The following RSPO4 variants were observed in gnomAD, a reference collection of about 807,000 sequenced individuals.
The protein encoded by RSPO4 is R-spondin-4.
In RSPO4, 23 loss-of-function variants were observed where a neutral mutation model predicts 24.8. That is an observed-to-expected ratio of 0.93 (90% confidence interval 0.67 to 1.31). The LOEUF (loss-of-function observed/expected upper bound fraction) is 1.31, where lower values mean the gene tolerates loss of function less well. RSPO4 is among the 40% of genes most tolerant of loss of function. The pLI, the probability that RSPO4 is intolerant of heterozygous loss-of-function variation, is 0.00. For synonymous variants in RSPO4, 141 were observed against 127.4 expected (o/e 1.11, Z -0.72); for missense variants, 333 against 316.5 (o/e 1.05, Z -0.39).
chr20:963,044 C>T (rs1283498274), intron 4 of RSPO4, among the ~76,000 whole-genome samples: 1 of 152,224 alleles, frequency 6.6e-6, no homozygotes, highest in Admixed American at 6.5e-5. Context: ...CCAAGCACAC[C>T]CTGTGGCCTC....
intron 1 of RSPO4, among the ~76,000 whole-genome samples, chr20:977,002 C>A (rs777080560): frequency 6.6e-6 from 1 of 152,154 alleles, no homozygotes; most frequent in Admixed American, 6.5e-5. Context: ...GCAGACCCTA[C>A]CCCTCCCTAT....
intron 2 of RSPO4, 74 bp downstream of exon 2, chr20:967,876 G>T (rs979329073): frequency 7.2e-7 from 1 of 1,393,248 alleles, no homozygotes; most frequent in Non-Finnish European, 1.0e-6. Flanking sequence ...CTGTGCTGGG[G>T]TGAAAGGGTG....
chr20:997,106 C>G (rs2103799), intron 1 of RSPO4, among the ~76,000 whole-genome samples: 18,176 of 152,182 alleles, frequency 0.12, 2,648 homozygotes, highest in African/African-American at 0.34. Flanking sequence ...CCTCAGTTCC[C>G]GTGTCTGGGA....
Position 1,002,071 on chromosome 20 carries a change from A to G in RSPO4, c.79+15T>C, listed in dbSNP as rs544572168. The stretch of plus-strand genomic sequence containing the variant: ...CAGCGCCTGCCCGGCCGCCCTGCCC[A>G]GCCACCCCTTGTACCTTGCTTCTTC... On this transcript the variant is annotated intron_variant, in intron 1 of 4. Transcript: ENST00000217260. This position sits in a 1 kb window ranked among gnomAD's most constrained non-coding sequence, Gnocchi z 4.6. 2 of 1,548,498 alleles carry G rather than the reference A, an allele frequency of 1.3e-6. No homozygotes were observed. Among genetic ancestry groups the G allele is most frequent in the Middle Eastern group, 1.7e-4 (1 of 5,950 alleles).
intron 1 of RSPO4, among the ~76,000 whole-genome samples, chr20:998,983 CTCTT>C (rs1212081875): frequency 5.6e-5 from 8 of 143,892 alleles, no homozygotes; most frequent in East Asian, 4.4e-4. Context: ...CTCTCTCGCT[CTCTT>C]TTTTTTTTTT....
chr20:969,173 G>A (rs776866793), intron 1 of RSPO4, among the ~76,000 whole-genome samples: 10 of 152,216 alleles, frequency 6.6e-5, no homozygotes, highest in East Asian at 3.9e-4. Flanking sequence ...AAAATTAGCC[G>A]GGTATGGTGG....
rs745812419 is a variant in RSPO4 at position 967,205 on chromosome 20, A to C, written c.378T>G (p.Thr126=). 1 of 1,614,112 alleles carries C rather than the reference A, an allele frequency of 6.2e-7. No homozygotes were observed. Among genetic ancestry groups the C allele is most frequent in the East Asian group, 2.2e-5 (1 of 44,878 alleles). ...GKCLPTCPPG[T]LAHQNTRECQ... ...ACTCCCGTGTGTTCTGGTGGGCCAAAGTGCCCGGCGGGCAGGTGGGCAGAC... is the reference window on the plus strand; with the variant it reads ...ACTCCCGTGTGTTCTGGTGGGCCAACGTGCCCGGCGGGCAGGTGGGCAGAC... Residue 126 remains threonine (T), a synonymous_variant, in exon 3 of 5, where the codon ACT becomes ACG. Coordinates refer to ENST00000217260, the MANE Select transcript of RSPO4 (RefSeq NM_001029871.4).
intron 1 of RSPO4, among the ~76,000 whole-genome samples, chr20:974,033 C>T (rs1482244324): frequency 6.6e-6 from 1 of 152,194 alleles, no homozygotes; most frequent in East Asian, 1.9e-4. Flanking sequence ...GCCCTAAAGT[C>T]ACGGGTGCAG....
intron 1 of RSPO4, among the ~76,000 whole-genome samples, chr20:989,322 G>A (rs981833698): frequency 5.3e-5 from 8 of 152,130 alleles, no homozygotes; most frequent in African/African-American, 1.2e-4. Flanking sequence ...TGACCTCTCT[G>A]AGTCTCTGCA....
At chr20:986,988 A>T (rs1005846832) in intron 1 of RSPO4, among the ~76,000 whole-genome samples, 2 of 152,192 alleles carry the variant, frequency 1.3e-5, no homozygotes, top group African/African-American at 4.8e-5. Flanking sequence ...AGACTCCGGC[A>T]CCCTCTTTTG....
intron 1 of RSPO4, among the ~76,000 whole-genome samples, chr20:991,004 C>G (rs1000260768): frequency 1.3e-5 from 2 of 152,162 alleles, no homozygotes; most frequent in African/African-American, 2.4e-5. Flanking sequence ...CAGGAAGGCC[C>G]GAGGGCTGCT....
intron 1 of RSPO4, among the ~76,000 whole-genome samples, chr20:980,501 G>T (rs979566922): frequency 6.6e-6 from 1 of 152,140 alleles, no homozygotes; most frequent in Non-Finnish European, 1.5e-5. Context: ...ATAGGTGTGT[G>T]TTCAATCAAG....
intron 3 of RSPO4, among the ~76,000 whole-genome samples, chr20:966,682 C>T (rs77949528): frequency 2.6e-3 from 403 of 152,260 alleles, no homozygotes; most frequent in Non-Finnish European, 4.8e-3. Context: ...TAGCAAGAGC[C>T]TGTCTTTACA....
In RSPO4 at chr20:958,574, G is replaced by C. The variant is rs562367020; in HGVS notation, c.*1783C>G. ...AGAAGAGAAGCTGGTGGCCTGGCCA[G>C]GCGGAGGAGGGGGCTCTAGCTGTTC... is the stretch of plus-strand genomic sequence containing the variant. On this transcript the variant is annotated 3_prime_UTR_variant, in exon 5 of 5. Transcript: ENST00000217260. The C allele has an allele frequency of 6.6e-6, 1 of 151,956 alleles. No individual in the cohort carries two copies. 9.4% of individuals were successfully genotyped at this position (151,956 alleles called of 1,614,324 possible). A position where few individuals can be genotyped will look rare whatever the true frequency, so the allele number is the denominator to read the frequency against.
chr20:967,995 G>T lies in RSPO4; in HGVS notation c.223C>A (p.Pro75Thr), dbSNP rs775912164. The T allele has an allele frequency of 2.4e-5, 38 of 1,614,130 alleles. No individual in the cohort carries two copies. In the South Asian group the frequency reaches 3.0e-4, roughly 13 times the overall value. Reference sequence around the variant, plus strand: ...TGGCCGCGGATGCCGAAGTACCCAGGGGGACAGTCGTGCAGGCACTTGCCG... The same window carrying T: ...TGGCCGCGGATGCCGAAGTACCCAGTGGGACAGTCGTGCAGGCACTTGCCG... ...QYGKCLHDCP[P>T]GYFGIRGQEV... Residue 75 changes from proline (P) to threonine (T), a missense_variant, in exon 2 of 5, where the codon CCT becomes ACT. Pro to Thr is a conservative substitution (Grantham distance 38). Transcript: ENST00000217260.
In RSPO4 at chr20:991,260, G is replaced by A. The variant is rs1465826594; in HGVS notation, c.79+10826C>T. Among the ~76,000 whole-genome samples, 6 of 152,138 alleles carry A rather than the reference G, an allele frequency of 3.9e-5. No individual in the cohort carries two copies. The East Asian group carries it at 1.2e-3, about 29-fold the overall frequency. The stretch of plus-strand genomic sequence containing the variant: ...CTGGCTCTGGGGTGACTTCTTGTAA[G>A]ACCTTCTCATACAGACTTTTTAATA... On this transcript the variant is annotated intron_variant, in intron 1 of 4. Coordinates refer to ENST00000217260, the MANE Select transcript of RSPO4 (RefSeq NM_001029871.4).
Position 1,002,011 on chromosome 20 carries a change from G to T in RSPO4, c.79+75C>A. ...GCACCAGGCAGATGCCCCCAGAGCC[G>T]CCGCCCCCGGTCCTCCGGCCCCCGG... is the stretch of plus-strand genomic sequence containing the variant. On this transcript the variant is annotated intron_variant, in intron 1 of 4. Coordinates refer to ENST00000217260, the MANE Select transcript of RSPO4 (RefSeq NM_001029871.4). The surrounding 1 kb of genome is among the most constrained non-coding windows in gnomAD (Gnocchi z 4.6). 6.8e-6 allele frequency: 9 copies of T among 1,331,244 alleles called. No homozygotes were observed. The highest frequency in any genetic ancestry group is 1.3e-5 in the South Asian group (1 of 79,818). 82.5% of individuals were successfully genotyped at this position (1,331,244 alleles called of 1,614,324 possible).
intron 1 of RSPO4, among the ~76,000 whole-genome samples, chr20:973,924 G>A (rs1444535551): frequency 1.3e-5 from 2 of 152,040 alleles, no homozygotes; most frequent in Admixed American, 6.5e-5. Flanking sequence ...TGTTGTAATG[G>A]CACCTCTTGC....
At chr20:962,661 C>T (rs967437092) in intron 4 of RSPO4, among the ~76,000 whole-genome samples, 3 of 152,208 alleles carry the variant, frequency 2.0e-5, no homozygotes, top group Non-Finnish European at 4.4e-5. Context: ...CTGCTAGCTG[C>T]ACTCCCAACC....
Sources: allele counts gnomAD v4.1 joint callset (sites outside exome capture counted in the v4.1 genomes callset), GRCh38; gene constraint gnomAD v4.1.1; non-coding constraint Gnocchi (gnomAD v3.1); transcripts MANE v1.5; gene names NCBI Gene and HGNC (gene_info 2026-07-23, HGNC 2026-07-21).